The following ZNF211 variants were observed in gnomAD, a reference collection of about 807,000 sequenced individuals.
ZNF211 encodes zinc finger protein C2H2-25.
Under a neutral mutation model 12.1 loss-of-function variants are expected in ZNF211, and 18 were observed. The ratio of observed to expected loss-of-function variants is 1.48; its 90% CI spans 1.03 to 2.20. ZNF211 has a LOEUF of 2.20. Ranked by LOEUF, ZNF211 falls within the 30% of genes most tolerant of loss-of-function variation. The pLI is 0.00. For missense variants in ZNF211, 677 were observed against 703.1 expected (o/e 0.96, Z 0.42); for synonymous variants, 249 against 246.0 (o/e 1.01, Z -0.11).
chr19:57,634,919 C>G (rs972494307), intron 3 of ZNF211, 164 bp downstream of exon 3: 4 of 985,274 alleles, frequency 4.1e-6, no homozygotes, highest in Non-Finnish European at 4.8e-6. Context: ...CCTTATCGTC[C>G]CAGCCCAAAA....
chr19:57,636,883 T>G (rs558464043), intron 3 of ZNF211, among the ~76,000 whole-genome samples: 1 of 152,206 alleles, frequency 6.6e-6, no homozygotes, highest in Non-Finnish European at 1.5e-5. Context: ...TTAATTCATT[T>G]TAGCAAAATT....
rs767063223 is a variant in ZNF211, at chr19:57,633,332, G to T, written c.-15G>T. 1.2e-5 allele frequency: 19 copies of T among 1,568,560 alleles called. No homozygotes were observed. The highest frequency in any genetic ancestry group is 1.6e-5 in the Non-Finnish European group (19 of 1,160,976). ...CGGGGGCAGAGCCGCCCGCGAGGCC[G>T]GCCTGGGGATAGCGATGCTCGGGTT... On this transcript the variant is annotated 5_prime_UTR_variant, in exon 1 of 4. Transcript: ENST00000240731.
intron 2 of ZNF211, 133 bp downstream of exon 2, chr19:57,634,194 G>C: frequency 1.0e-6 from 1 of 993,112 alleles, no homozygotes; most frequent in Non-Finnish European, 1.4e-6. Flanking sequence ...GGGAACCCTG[G>C]AGAATCCCTG....
chr19:57,637,601 C>T (rs1982303689), intron 3 of ZNF211, among the ~76,000 whole-genome samples: 2 of 152,120 alleles, frequency 1.3e-5, no homozygotes, highest in Non-Finnish European at 2.9e-5. Context: ...TAAATTCTAT[C>T]TGGTCGTAGT....
chr19:57,639,408 C>CTTTTTTTTTTTTTTTTTT, intron 3 of ZNF211, among the ~76,000 whole-genome samples: 1 of 20,762 alleles, frequency 4.8e-5, no homozygotes, highest in Non-Finnish European at 8.8e-5. Flanking sequence ...CCTTTATGTA[C>CTTTTTTTTTTTTTTTTTT]TTTTTTTTTT....
At position 57,642,561 on chromosome 19, in the gene ZNF211, G is replaced by A. The variant is rs946575290; in HGVS notation, c.*380G>A. On this transcript the variant is annotated 3_prime_UTR_variant, in exon 4 of 4. Coordinates refer to ENST00000240731, the MANE Select transcript of ZNF211 (RefSeq NM_006385.5). ...CTGAGTCTTCCTCTCTGACAAGTTAGGGCATGGACTTGACCCAGCTTTGTG... is the reference window on the plus strand; with the variant it reads ...CTGAGTCTTCCTCTCTGACAAGTTAAGGCATGGACTTGACCCAGCTTTGTG... 1.1e-5 allele frequency: 2 copies of A among 175,010 alleles called. No individual in the cohort carries two copies. Among genetic ancestry groups the A allele is most frequent in the Non-Finnish European group, 2.5e-5 (2 of 81,490 alleles). 10.8% of individuals were successfully genotyped at this position (175,010 alleles called of 1,614,324 possible). A position where few individuals can be genotyped will look rare whatever the true frequency, so the allele number is the denominator to read the frequency against.
intron 2 of ZNF211, chr19:57,634,294 C>G: frequency 2.0e-6 from 1 of 501,170 alleles, no homozygotes; most frequent in East Asian, 3.2e-5. Flanking sequence ...CAGGTAGGTA[C>G]CAGCTTTTGG....
rs1420802096 is a variant in ZNF211 at position 57,643,968 on chromosome 19, T to C, written c.*1787T>C. ...GTATATTTTTTATGGATATACTATT[T>C]GTTATCCATTTGTTTATAAGCATTT... On this transcript the variant is annotated 3_prime_UTR_variant, in exon 4 of 4. Coordinates refer to ENST00000240731, the MANE Select transcript of ZNF211 (RefSeq NM_006385.5). 6.6e-6 allele frequency among the ~76,000 whole-genome samples: 1 copy of C among 152,236 alleles called. No individual in the cohort carries two copies. The highest frequency in any genetic ancestry group is 1.9e-4 in the East Asian group (1 of 5,208).
At position 57,640,983 on chromosome 19, in the gene ZNF211, A is replaced by G. The variant is rs751622098; in HGVS notation, c.536A>G (p.Tyr179Cys). The change falls in exon 4 of 4, where the codon TAT becomes TGT. Residue 179 changes from tyrosine to cysteine, a missense_variant. Coordinates refer to ENST00000240731, the MANE Select transcript of ZNF211 (RefSeq NM_006385.5). ...QHITEAPFRSYVDTASFTQSC... is the reference protein window; with the variant it reads ...QHITEAPFRSCVDTASFTQSC... ...ATTACAGAGGCACCTTTCAGAAGTT[A>G]TGTGGACACTGCCTCGTTTACACAG... The G allele has an allele frequency of 6.2e-7, 1 of 1,614,240 alleles. No individual in the cohort carries two copies. The highest frequency in any genetic ancestry group is 8.5e-7 in the Non-Finnish European group (1 of 1,180,050).
At chr19:57,638,821 T>G (rs1982471345) in intron 3 of ZNF211, among the ~76,000 whole-genome samples, 1 of 152,228 alleles carries the variant, frequency 6.6e-6, no homozygotes, top group African/African-American at 2.4e-5. Flanking sequence ...ACTGTTATTG[T>G]AGAACTATCC....
In ZNF211 at chr19:57,634,744, C is replaced by A. The variant is rs150951576; in HGVS notation, c.245C>A (p.Thr82Lys). The change falls in exon 3 of 4, where the codon ACG (threonine) becomes AAG (lysine). Residue 82 changes from threonine to lysine, a missense_variant. Transcript: ENST00000240731. ...FDVMLENFAL[T>K]SSLGCWCGVE... ...GTGATGCTGGAGAACTTTGCACTTACGTCCTCCCTGGGTAAGGCCCTCATA... is the reference window on the plus strand; with the variant it reads ...GTGATGCTGGAGAACTTTGCACTTAAGTCCTCCCTGGGTAAGGCCCTCATA... The A allele has an allele frequency of 6.3e-7, 1 of 1,598,084 alleles. No individual in the cohort carries two copies. The highest frequency in any genetic ancestry group is 1.3e-5 in the African/African-American group (1 of 74,368).
At position 57,641,566 on chromosome 19, in the gene ZNF211, C is replaced by T. The variant is rs1305301297; in HGVS notation, c.1119C>T (p.Arg373=). 1.9e-6 allele frequency: 3 copies of T among 1,611,594 alleles called. No individual in the cohort carries two copies. The South Asian group carries it at 3.3e-5, about 18-fold the overall frequency. The change falls in exon 4 of 4, where the codon CGC becomes CGT. Residue 373 remains arginine (R), a synonymous_variant. Transcript: ENST00000240731. ...AAAGGTCCAACCTCATGCAGCATCG[C>T]AGAGTTCACACTGGAGAAAGGCCTT... is the stretch of plus-strand genomic sequence containing the variant. The part of the protein sequence containing the change: ...FSQRSNLMQH[R]RVHTGERPYE...
intron 1 of ZNF211, chr19:57,633,681 A>G (rs764828958): frequency 1.3e-6 from 2 of 1,534,164 alleles, no homozygotes; most frequent in African/African-American, 1.4e-5. Context: ...TGCAGGGAAC[A>G]AAGTTTGAGA....
intron 3 of ZNF211, chr19:57,640,097 T>C (rs1170663795): frequency 6.5e-7 from 1 of 1,528,526 alleles, no homozygotes; most frequent in East Asian, 2.4e-5. Flanking sequence ...CAGGAACCTG[T>C]CCTGTTTGAC....
In ZNF211 at chr19:57,634,609, A is replaced by C. The variant is rs764175346; in HGVS notation, c.130-20A>C. 1.9e-6 allele frequency: 3 copies of C among 1,541,218 alleles called. No individual in the cohort carries two copies. The highest frequency in any genetic ancestry group is 2.6e-6 in the Non-Finnish European group (3 of 1,144,008). On this transcript the variant is annotated intron_variant, in intron 2 of 3. Coordinates refer to ENST00000240731, the MANE Select transcript of ZNF211 (RefSeq NM_006385.5). Reference sequence around the variant, plus strand: ...CCAAATTGAGACTGTTCATGGTTTCATCAATCCCTATTATGCTAGGGAAGT... The same window carrying C: ...CCAAATTGAGACTGTTCATGGTTTCCTCAATCCCTATTATGCTAGGGAAGT...
rs1406592189 is a variant in ZNF211 at position 57,642,110 on chromosome 19, T to C, written c.1663T>C (p.Cys555Arg). The C allele has an allele frequency of 2.5e-6, 4 of 1,614,164 alleles. No homozygotes were observed. Among genetic ancestry groups the C allele is most frequent in the South Asian group, 1.1e-5 (1 of 91,090 alleles). ...TGKRPYQCSQ[C>R]GKSFGCKSVL... The stretch of plus-strand genomic sequence containing the variant: ...AAAAAGGCCTTATCAGTGCAGTCAA[T>C]GTGGGAAATCCTTTGGCTGCAAATC... Residue 555 changes from cysteine (C) to arginine (R), a missense_variant, in exon 4 of 4, where the codon TGT becomes CGT. Cys to Arg is a radical substitution (Grantham distance 180). Transcript: ENST00000240731.
chr19:57,638,168 G>T (rs1029975603), intron 3 of ZNF211, among the ~76,000 whole-genome samples: 2 of 151,986 alleles, frequency 1.3e-5, no homozygotes, highest in Non-Finnish European at 1.5e-5. Context: ...CAAAGTGCTG[G>T]AATTACAGGC....
At chr19:57,640,578 C>A in intron 3 of ZNF211, 126 bp from the exon 4 acceptor site, 3 of 1,243,882 alleles carry the variant, frequency 2.4e-6, no homozygotes, top group African/African-American at 1.5e-5. Flanking sequence ...CCTGACCCCC[C>A]AACTCACTTT....
chr19:57,634,577 G>A, intron 2 of ZNF211, 52 bp from the exon 3 acceptor site: 2 of 1,480,420 alleles, frequency 1.4e-6, no homozygotes, highest in East Asian at 5.0e-5. Flanking sequence ...CATGGATTTT[G>A]AGTCTTCCAA....
Sources: allele counts gnomAD v4.1 joint callset (sites outside exome capture counted in the v4.1 genomes callset), GRCh38; gene constraint gnomAD v4.1.1; transcripts MANE v1.5; gene names NCBI Gene and HGNC (gene_info 2026-07-23, HGNC 2026-07-21).